PRKCB: variants seen among roughly 807,000 people sequenced by gnomAD.
The protein encoded by PRKCB is protein kinase C beta.
Under a neutral mutation model 81.5 loss-of-function variants are expected in PRKCB, and 13 were observed. That is an observed-to-expected ratio of 0.16 (90% confidence interval 0.10 to 0.25). PRKCB has a LOEUF of 0.25. PRKCB is among the 10% of genes least tolerant of loss of function. The pLI, the probability that PRKCB is intolerant of heterozygous loss-of-function variation, is 1.00. For synonymous variants in PRKCB, 335 were observed against 321.4 expected, an observed-to-expected ratio of 1.04 and a Z score of -0.45; for missense variants, 509 against 875.7, an observed-to-expected ratio of 0.58 and a Z score of 5.29.
At chr16:24,199,914 G>C (rs1467258778) in intron 16 of PRKCB, among the ~76,000 whole-genome samples, 1 of 152,236 alleles carries the variant, frequency 6.6e-6, no homozygotes, top group Non-Finnish European at 1.5e-5. Context: ...GGTAAGGTTT[G>C]TGATTGTGCT....
At position 23,858,438 on chromosome 16, in the gene PRKCB, T is replaced by C. The variant is rs1413964345; in HGVS notation, c.205+21032T>C. ...GTATACGGGATGGTGATAAGGCCCA[T>C]CTCTCATGGCCAGGAAAGTGTGCCT... On this transcript the variant is annotated intron_variant, in intron 2 of 16. Coordinates refer to ENST00000643927, the MANE Select transcript of PRKCB (RefSeq NM_002738.7). Among the ~76,000 whole-genome samples, 6 of 151,952 alleles carry C rather than the reference T, an allele frequency of 3.9e-5. No homozygotes were observed. In the South Asian group the frequency reaches 1.0e-3, roughly 26 times the overall value.
chr16:24,005,646 G>A (rs988442998), intron 3 of PRKCB, among the ~76,000 whole-genome samples: 9 of 152,188 alleles, frequency 5.9e-5, no homozygotes, highest in African/African-American at 2.2e-4. Context: ...TCTGGCCTCT[G>A]ATAAGTCTTG....
chr16:23,977,539 A>C (rs1964641487), intron 2 of PRKCB, among the ~76,000 whole-genome samples: 1 of 152,150 alleles, frequency 6.6e-6, no homozygotes, highest in East Asian at 1.9e-4. Flanking sequence ...GATCTAGATA[A>C]AAAAAGAAAA....
intron 13 of PRKCB, among the ~76,000 whole-genome samples, chr16:24,184,499 T>C (rs985686135): frequency 6.6e-6 from 1 of 151,900 alleles, no homozygotes; most frequent in African/African-American, 2.4e-5. Flanking sequence ...GTCCAAATAC[T>C]AAAGTGTTTA....
chr16:24,020,994 T>TTCTTTCTTTCTTTCTTTC (rs1965357571), intron 3 of PRKCB, among the ~76,000 whole-genome samples: 2 of 132,976 alleles, frequency 1.5e-5, no homozygotes, highest in African/African-American at 6.0e-5. Flanking sequence ...CTTTCTTTCT[T>TTCTTTCTTTCTTTCTTTC]TCTTTCTTTC....
At chr16:24,135,283 A>G (rs1966861019) in intron 9 of PRKCB, among the ~76,000 whole-genome samples, 1 of 141,514 alleles carries the variant, frequency 7.1e-6, no homozygotes, top group African/African-American at 2.6e-5. Flanking sequence ...AGCATTCCAG[A>G]GTTCCAGGCC....
intron 16 of PRKCB, among the ~76,000 whole-genome samples, chr16:24,195,503 T>C (rs1967865593): frequency 6.6e-6 from 1 of 152,218 alleles, no homozygotes; most frequent in South Asian, 2.1e-4. Flanking sequence ...CAGAGGATTA[T>C]GTTCAAACAT....
chr16:24,106,405 C>T (rs897955434), intron 7 of PRKCB, among the ~76,000 whole-genome samples: 1 of 152,126 alleles, frequency 6.6e-6, no homozygotes, highest in Admixed American at 6.5e-5. Flanking sequence ...TCAGAGACCC[C>T]AGATTCCCAG....
intron 2 of PRKCB, among the ~76,000 whole-genome samples, chr16:23,838,470 T>G (rs992367592): frequency 1.3e-5 from 2 of 152,218 alleles, no homozygotes; most frequent in Admixed American, 1.3e-4. Flanking sequence ...TAATTTAAAT[T>G]TTAATTTTTC....
rs533623077 is a variant in PRKCB, at chr16:24,189,197, GC to G, written c.1723-1892del. On this transcript the variant is annotated intron_variant, in intron 15 of 16. Coordinates refer to ENST00000643927, the MANE Select transcript of PRKCB (RefSeq NM_002738.7). ...TAGGCAGAGGTGGAGTCTGCACCCA[GC>G]TCTTACTGACTCTACCACTTCCTCT... 3.3e-5 allele frequency among the ~76,000 whole-genome samples: 5 copies of G among 152,276 alleles called. No individual in the cohort carries two copies. In the South Asian group the frequency reaches 1.0e-3, roughly 32 times the overall value.
intron 2 of PRKCB, among the ~76,000 whole-genome samples, chr16:23,839,727 C>T (rs947982489): frequency 3.9e-5 from 6 of 152,212 alleles, no homozygotes; most frequent in African/African-American, 1.4e-4. Flanking sequence ...TACTTAGCCT[C>T]TCTGTATTTC....
At chr16:23,878,515 A>G (rs971003794) in intron 2 of PRKCB, among the ~76,000 whole-genome samples, 2 of 152,170 alleles carry the variant, frequency 1.3e-5, no homozygotes, top group Non-Finnish European at 2.9e-5. Flanking sequence ...GAAAAATGGG[A>G]AAAAGCATGC....
At chr16:23,981,532 T>G (rs1215551782) in intron 2 of PRKCB, among the ~76,000 whole-genome samples, 2 of 152,120 alleles carry the variant, frequency 1.3e-5, no homozygotes, top group African/African-American at 4.8e-5. Context: ...GGGAACATTA[T>G]TCTGCCTACA....
intron 7 of PRKCB, among the ~76,000 whole-genome samples, chr16:24,110,128 A>ACCTTG (rs1473197960): frequency 4.9e-5 from 4 of 81,682 alleles, no homozygotes; most frequent in African/African-American, 8.8e-5. Flanking sequence ...GGAGAGGGAG[A>ACCTTG]GGGAGAGGGA....
intron 2 of PRKCB, among the ~76,000 whole-genome samples, chr16:23,881,872 G>T (rs1341496616): frequency 1.3e-5 from 2 of 151,792 alleles, no homozygotes; most frequent in South Asian, 2.1e-4. Context: ...TCTGCTTCCT[G>T]TTTCTATGAG....
chr16:23,843,763 T>C (rs914192290), intron 2 of PRKCB, among the ~76,000 whole-genome samples: 12 of 130,540 alleles, frequency 9.2e-5, no homozygotes, highest in African/African-American at 3.6e-4. Context: ...CACAACCAGA[T>C]GCAGCATGTT....
chr16:23,869,627 C>T (rs138451330), intron 2 of PRKCB, among the ~76,000 whole-genome samples: 19 of 152,294 alleles, frequency 1.2e-4, no homozygotes, highest in Non-Finnish European at 2.6e-4. Context: ...AGATATAGAA[C>T]AGGAAATAAT....
intron 9 of PRKCB, among the ~76,000 whole-genome samples, chr16:24,146,062 G>A (rs1030168049): frequency 6.6e-6 from 1 of 152,156 alleles, no homozygotes; most frequent in Admixed American, 6.5e-5. Context: ...AAGAATACCA[G>A]GGGAAGACAG....
intron 10 of PRKCB, among the ~76,000 whole-genome samples, chr16:24,165,144 C>T (rs911422413): frequency 2.6e-5 from 4 of 152,178 alleles, no homozygotes; most frequent in East Asian, 1.9e-4. Context: ...GGGCACAAGC[C>T]GTCCTCTCAC....
Sources: allele counts gnomAD v4.1 joint callset (sites outside exome capture counted in the v4.1 genomes callset), GRCh38; gene constraint gnomAD v4.1.1; transcripts MANE v1.5; gene names NCBI Gene and HGNC (gene_info 2026-07-23, HGNC 2026-07-21).